The following PSD3 variants were observed in gnomAD, a reference collection of about 807,000 sequenced individuals.
PSD3 encodes PH and SEC7 domain-containing protein 3.
PSD3 carries 49 observed loss-of-function variants against 105.5 expected under a neutral mutation model. The observed-to-expected ratio is 0.46, with a 90% CI of 0.37 to 0.59. PSD3 has a LOEUF of 0.59. PSD3 is among the 20% of genes least tolerant of loss of function. The pLI, the probability that PSD3 is intolerant of heterozygous loss-of-function variation, is 0.00. For synonymous variants in PSD3, 557 were observed against 457.8 expected (o/e 1.22, Z -2.77); for missense variants, 1,561 against 1,263.8 (o/e 1.24, Z -3.57).
intron 9 of PSD3, among the ~76,000 whole-genome samples, chr8:18,752,548 A>ACATATAAT (rs1461263547): frequency 2.1e-4 from 3 of 14,022 alleles, no homozygotes; most frequent in African/African-American, 7.3e-4. Flanking sequence ...TATATATATT[A>ACATATAAT]TATATAATTA....
chr8:18,906,190 T>A (rs908866857), intron 2 of PSD3, among the ~76,000 whole-genome samples: 2 of 152,158 alleles, frequency 1.3e-5, no homozygotes, highest in African/African-American at 2.4e-5. Flanking sequence ...ACAAAAAATA[T>A]CAGATAAACA....
At chr8:18,661,073 A>G (rs368753467) in intron 9 of PSD3, among the ~76,000 whole-genome samples, 1 of 152,156 alleles carries the variant, frequency 6.6e-6, no homozygotes, top group Non-Finnish European at 1.5e-5. Context: ...CTACATTACC[A>G]TGCATTGTGT....
chr8:18,726,005 C>A (rs554402716), intron 9 of PSD3, among the ~76,000 whole-genome samples: 2 of 152,162 alleles, frequency 1.3e-5, no homozygotes, highest in African/African-American at 4.8e-5. Flanking sequence ...CTTGAGGTAA[C>A]AACAGAAGAA....
rs745628056 is a variant in PSD3, at chr8:18,999,919, T to C, written c.21+13644A>G. The C allele has an allele frequency of 7.3e-5, 11 of 151,686 alleles. 1 individual carries two copies. In the South Asian group the frequency reaches 2.1e-3, roughly 29 times the overall value. The allele number at this position is 151,686 out of a possible 1,614,324, so 9.4% of individuals were successfully genotyped here. A position where few individuals can be genotyped will look rare whatever the true frequency, so the allele number is the denominator to read the frequency against. On this transcript the variant is annotated intron_variant, in intron 1 of 15. Coordinates refer to ENST00000327040, the MANE Select transcript of PSD3 (RefSeq NM_015310.4). ...CTTCTAAAATTTCGGCTTTAATTCC[T>C]CTAGGCCTGTCAAGTTCTTTTAAAT...
intron 1 of PSD3, among the ~76,000 whole-genome samples, chr8:18,949,279 T>A (rs542949861): frequency 0.012 from 956 of 76,978 alleles, 7 homozygotes; most frequent in Non-Finnish European, 0.023. Context: ...ATATATATAT[T>A]TATAGTTTTC....
intron 14 of PSD3, among the ~76,000 whole-genome samples, chr8:18,566,430 G>A (rs1295766314): frequency 6.6e-6 from 1 of 151,514 alleles, no homozygotes; most frequent in Non-Finnish European, 1.5e-5. Flanking sequence ...AGAGGCTGAG[G>A]CAGGAGAATG....
chr8:19,074,611 A>ATATATATATTTT (rs1324257417), intron 1 of PSD3, among the ~76,000 whole-genome samples: 4 of 24,202 alleles, frequency 1.7e-4, no homozygotes, highest in Non-Finnish European at 3.0e-4. Context: ...ATATATATAT[A>ATATATATATTTT]TTTTTTTTTT....
chr8:18,853,792 G>A (rs906518094), intron 4 of PSD3, among the ~76,000 whole-genome samples: 12 of 152,128 alleles, frequency 7.9e-5, no homozygotes, highest in Non-Finnish European at 2.9e-5. Context: ...GGTAGCTGGA[G>A]TTCACATGCA....
chr8:18,823,207 G>A (rs561009846), intron 4 of PSD3, among the ~76,000 whole-genome samples: 46 of 151,928 alleles, frequency 3.0e-4, no homozygotes, highest in South Asian at 2.5e-3. Flanking sequence ...TCCTTTCTTC[G>A]GAGTCTGCAG....
rs78954745 is a variant in PSD3 at position 18,720,748 on chromosome 8, G to A, written c.2172+44701C>T. Among the ~76,000 whole-genome samples, 754 of 152,252 alleles carry A rather than the reference G, an allele frequency of 5.0e-3. 26 individuals carry two copies. Among genetic ancestry groups the A allele is most frequent in the Admixed American group, 0.035 (531 of 15,282 alleles). Reference sequence around the variant, plus strand: ...CAATACCAGTCACAGGAGCGCCGATGCATTTGCTCAGTGCGTTTTAAACAC... The same window carrying A: ...CAATACCAGTCACAGGAGCGCCGATACATTTGCTCAGTGCGTTTTAAACAC... On this transcript the variant is annotated intron_variant, in intron 9 of 15. Coordinates refer to ENST00000327040, the MANE Select transcript of PSD3 (RefSeq NM_015310.4).
intron 1 of PSD3, among the ~76,000 whole-genome samples, chr8:18,951,262 G>A (rs964938368): frequency 6.6e-6 from 1 of 152,134 alleles, no homozygotes; most frequent in Non-Finnish European, 1.5e-5. Flanking sequence ...AGGTGTGGTG[G>A]CACATGCCTG....
At chr8:18,925,697 A>G (rs2129467878) in intron 2 of PSD3, among the ~76,000 whole-genome samples, 1 of 152,294 alleles carries the variant, frequency 6.6e-6, no homozygotes, top group South Asian at 2.1e-4. Flanking sequence ...TAATAGAACA[A>G]GAAATCATGC....
intron 8 of PSD3, among the ~76,000 whole-genome samples, chr8:18,790,521 C>A (rs917917865): frequency 6.6e-6 from 1 of 152,016 alleles, no homozygotes; most frequent in Non-Finnish European, 1.5e-5. Flanking sequence ...CCAGGATGGT[C>A]TCTATCTCCT....
intron 1 of PSD3, among the ~76,000 whole-genome samples, chr8:18,954,411 A>G (rs1333175319): frequency 6.6e-6 from 1 of 152,176 alleles, no homozygotes; most frequent in Non-Finnish European, 1.5e-5. Context: ...TGGAAAAAGT[A>G]TATCAGTTGA....
At chr8:18,882,647 C>T (rs1818182613) in intron 2 of PSD3, among the ~76,000 whole-genome samples, 1 of 152,104 alleles carries the variant, frequency 6.6e-6, no homozygotes, top group South Asian at 2.1e-4. Flanking sequence ...ATGGATTTCT[C>T]TCTAACACTG....
intron 15 of PSD3, among the ~76,000 whole-genome samples, chr8:18,547,222 G>C (rs910369323): frequency 6.6e-6 from 1 of 152,160 alleles, no homozygotes; most frequent in African/African-American, 2.4e-5. Context: ...TCTAGCAGTG[G>C]ATCTGGTTTC....
At chr8:18,778,726 A>G (rs1808327321) in intron 8 of PSD3, among the ~76,000 whole-genome samples, 1 of 151,934 alleles carries the variant, frequency 6.6e-6, no homozygotes, top group Non-Finnish European at 1.5e-5. Flanking sequence ...TATTAAAAAT[A>G]TAATTTTTGA....
intron 11 of PSD3, among the ~76,000 whole-genome samples, chr8:18,606,381 T>C (rs1467281321): frequency 6.6e-6 from 1 of 152,194 alleles, no homozygotes; most frequent in Non-Finnish European, 1.5e-5. Flanking sequence ...CTCCCCACAT[T>C]TGTACTCATG....
chr8:18,929,756 G>C (rs1586454043), intron 2 of PSD3, among the ~76,000 whole-genome samples: 1 of 152,166 alleles, frequency 6.6e-6, no homozygotes, highest in East Asian at 1.9e-4. Context: ...GAAGTTCTAA[G>C]ATTTAATGAA....
Sources: allele counts gnomAD v4.1 joint callset (sites outside exome capture counted in the v4.1 genomes callset), GRCh38; gene constraint gnomAD v4.1.1; transcripts MANE v1.5; gene names NCBI Gene and HGNC (gene_info 2026-07-23, HGNC 2026-07-21).